Variants in SYNPR observed in about 807,000 individuals in gnomAD.
The protein encoded by SYNPR is synaptoporin.
A neutral mutation model predicts 32.9 loss-of-function variants in SYNPR; 23 were observed. The observed-to-expected ratio is 0.70, with a 90% confidence interval of 0.50 to 0.99. The LOEUF is 0.99. Ranked by LOEUF, SYNPR falls within the 50% of genes least tolerant of loss-of-function variation. The probability of loss-of-function intolerance (pLI) is 0.00; values close to 1 mark genes in which losing one functional copy is unlikely to be tolerated. For missense variants in SYNPR, 318 were observed against 349.3 expected (o/e 0.91, Z 0.71); for synonymous variants, 146 against 135.9 (o/e 1.07, Z -0.52).
rs374156505 is a variant in SYNPR at position 63,486,481 on chromosome 3, T to C, written c.209+5525T>C. On this transcript the variant is annotated intron_variant, in intron 3 of 5. Coordinates refer to ENST00000478300, the MANE Select transcript of SYNPR (RefSeq NM_001130003.2). ...TTAACACACCTTTCATTATCTTTTT[T>C]ACCTTTTCTGTCTCACTTCTCCACT... 2.5e-4 allele frequency among the ~76,000 whole-genome samples: 38 copies of C among 152,290 alleles called. No individual in the cohort carries two copies. In the South Asian group the frequency reaches 5.4e-3, roughly 22 times the overall value.
At chr3:63,425,814 A>ACTCT (rs1016527202) in intron 2 of SYNPR, among the ~76,000 whole-genome samples, 7 of 145,640 alleles carry the variant, frequency 4.8e-5, no homozygotes, top group African/African-American at 1.8e-4. Flanking sequence ...ATGAAGTCTT[A>ACTCT]CTCTGTCACC....
chr3:63,469,095 T>C (rs1221777585), intron 2 of SYNPR, among the ~76,000 whole-genome samples: 1 of 152,144 alleles, frequency 6.6e-6, no homozygotes, highest in Non-Finnish European at 1.5e-5. Context: ...AAAAAAGACA[T>C]GCCAAATGTA....
At chr3:63,256,459 G>GTATCAGCT (rs2086384663) in intron 2 of SYNPR, among the ~76,000 whole-genome samples, 1 of 152,150 alleles carries the variant, frequency 6.6e-6, no homozygotes, top group African/African-American at 2.4e-5. Context: ...AGGCAAACAG[G>GTATCAGCT]GTCTGGAGTG....
chr3:63,249,162 G>A (rs760996833), intron 1 of SYNPR, among the ~76,000 whole-genome samples: 2 of 152,036 alleles, frequency 1.3e-5, no homozygotes, highest in Non-Finnish European at 1.5e-5. Flanking sequence ...AATGTAAGAC[G>A]CAAAAGGCCA....
At chr3:63,392,160 G>C (rs1397316229) in intron 2 of SYNPR, among the ~76,000 whole-genome samples, 1 of 152,184 alleles carries the variant, frequency 6.6e-6, no homozygotes, top group Non-Finnish European at 1.5e-5. Context: ...ATCAGTCCCA[G>C]AAATGGCACC....
chr3:63,405,235 A>G (rs758463784), intron 2 of SYNPR, among the ~76,000 whole-genome samples: 12 of 152,182 alleles, frequency 7.9e-5, no homozygotes, highest in Non-Finnish European at 1.6e-4. Context: ...GGGGCTTCAG[A>G]ATTCAATGGG....
intron 2 of SYNPR, among the ~76,000 whole-genome samples, chr3:63,362,997 G>C (rs941679452): frequency 2.6e-5 from 4 of 152,194 alleles, no homozygotes; most frequent in African/African-American, 9.6e-5. Context: ...GGAATATGGA[G>C]ACTGAACTGT....
At chr3:63,472,428 G>T (rs571356071) in intron 2 of SYNPR, among the ~76,000 whole-genome samples, 1 of 152,150 alleles carries the variant, frequency 6.6e-6, no homozygotes, top group South Asian at 2.1e-4. Flanking sequence ...ATGTAATGAT[G>T]GACTTACTGA....
In SYNPR at chr3:63,551,535, C is replaced by A. The variant is rs545667281; in HGVS notation, c.210-5008C>A. ...AAGTGGCTGCATCATTTTACATTCT[C>A]CCCAGCAAACATGAAAGTTCCAATT... On this transcript the variant is annotated intron_variant, in intron 3 of 5. Coordinates refer to ENST00000478300, the MANE Select transcript of SYNPR (RefSeq NM_001130003.2). Among the ~76,000 whole-genome samples the A allele has an allele frequency of 2.0e-5, 3 of 152,272 alleles. No homozygotes were observed. The East Asian group carries it at 5.8e-4, about 29-fold the overall frequency.
chr3:63,294,089 C>T (rs969286455), intron 2 of SYNPR, among the ~76,000 whole-genome samples: 5 of 152,072 alleles, frequency 3.3e-5, no homozygotes, highest in African/African-American at 4.8e-5. Context: ...ATTTTAATGT[C>T]TATATGTGAT....
At chr3:63,521,043 A>G (rs78743129) in intron 3 of SYNPR, among the ~76,000 whole-genome samples, 3,091 of 152,314 alleles carry the variant, frequency 0.02, 115 homozygotes, top group African/African-American at 0.07. Context: ...GGAAAGGGAT[A>G]TGTAGAGTGT....
intron 2 of SYNPR, among the ~76,000 whole-genome samples, chr3:63,400,830 A>G (rs552254925): frequency 2.0e-5 from 3 of 152,318 alleles, no homozygotes; most frequent in African/African-American, 7.2e-5. Flanking sequence ...AAATAAAACA[A>G]GGATTCTGTA....
In SYNPR at chr3:63,416,775, AT is replaced by A. The variant is rs200553285; in HGVS notation, c.85-64055del. 3.7e-3 allele frequency among the ~76,000 whole-genome samples: 563 copies of A among 151,970 alleles called. 8 individuals are homozygous for A. Among genetic ancestry groups the A allele is most frequent in the African/African-American group, 0.012 (501 of 41,420 alleles). ...GCAGGCAAAGAGCTTGTGCAGGAAA[AT>A]TCCCCCCTGTAAAACCATCAGATCT... On this transcript the variant is annotated intron_variant, in intron 2 of 5. Coordinates refer to ENST00000478300, the MANE Select transcript of SYNPR (RefSeq NM_001130003.2).
chr3:63,416,023 C>CCA (rs2088534573), intron 2 of SYNPR, among the ~76,000 whole-genome samples: 1 of 152,166 alleles, frequency 6.6e-6, no homozygotes, highest in South Asian at 2.1e-4. Flanking sequence ...ATTCATCAAC[C>CCA]CACTGATGAT....
chr3:63,598,313 G>A (rs541765166), intron 4 of SYNPR, among the ~76,000 whole-genome samples: 1 of 152,166 alleles, frequency 6.6e-6, no homozygotes, highest in South Asian at 2.1e-4. Context: ...CTATACCCCA[G>A]GGTGATCCCA....
At chr3:63,396,469 C>T (rs1053696463) in intron 2 of SYNPR, among the ~76,000 whole-genome samples, 12 of 152,188 alleles carry the variant, frequency 7.9e-5, no homozygotes, top group African/African-American at 2.9e-4. Context: ...AATCAGTATC[C>T]CTTTCAGAAA....
At chr3:63,254,746 C>A (rs1270115436) in intron 2 of SYNPR, among the ~76,000 whole-genome samples, 1 of 152,028 alleles carries the variant, frequency 6.6e-6, no homozygotes, top group Admixed American at 6.6e-5. Context: ...AGTCCTAATC[C>A]CTAGTACCTT....
intron 2 of SYNPR, among the ~76,000 whole-genome samples, chr3:63,454,222 T>C (rs578063721): frequency 7.2e-4 from 109 of 152,264 alleles, no homozygotes; most frequent in Non-Finnish European, 9.9e-4. Context: ...GGCTGTTCTT[T>C]CAAATACATA....
At chr3:63,531,573 T>C (rs1431798470) in intron 3 of SYNPR, among the ~76,000 whole-genome samples, 3 of 152,320 alleles carry the variant, frequency 2.0e-5, no homozygotes, top group Middle Eastern at 3.4e-3. Context: ...CTCGCTTCCA[T>C]ATAAGGTCAC....
Sources: allele counts gnomAD v4.1 joint callset (sites outside exome capture counted in the v4.1 genomes callset), GRCh38; gene constraint gnomAD v4.1.1; transcripts MANE v1.5; gene names NCBI Gene and HGNC (gene_info 2026-07-23, HGNC 2026-07-21).